The following FGF12 variants were observed in gnomAD, a reference collection of about 807,000 sequenced individuals.
FGF12 encodes the protein fibroblast growth factor 12B.
In FGF12, 14 loss-of-function variants were observed where a neutral mutation model predicts 23.6. The observed-to-expected ratio is 0.59, with a 90% CI of 0.39 to 0.93. The LOEUF is 0.93. Among genes scored for constraint, FGF12 ranks in the 40% least tolerant of loss-of-function variants. FGF12 has a pLI of 0.00. For missense variants in FGF12, 175 were observed against 217.8 expected, an observed-to-expected ratio of 0.80 and a Z score of 1.24; for synonymous variants, 62 against 77.3, an observed-to-expected ratio of 0.80 and a Z score of 1.04.
Position 192,446,254 on chromosome 3 carries a change from TA to T in FGF12, c.14-85717del, listed in dbSNP as rs532830358. Among the ~76,000 whole-genome samples, 21 of 152,354 alleles carry T rather than the reference TA, an allele frequency of 1.4e-4. No individual in the cohort carries two copies. The South Asian group carries it at 4.1e-3, about 30-fold the overall frequency. On this transcript the variant is annotated intron_variant, in intron 2 of 5. Coordinates refer to ENST00000445105, the MANE Select transcript of FGF12 (RefSeq NM_004113.6). ...AGCACAAATACAGGGAAATTCTTTC[TA>T]AACTATATGGCTGTATACCAAGTGA... is the stretch of plus-strand genomic sequence containing the variant.
chr3:192,237,734 C>T (rs1719377960), intron 4 of FGF12, among the ~76,000 whole-genome samples: 1 of 152,296 alleles, frequency 6.6e-6, no homozygotes, highest in East Asian at 1.9e-4. Flanking sequence ...AACTCTTGGA[C>T]TGTTTCACCG....
intron 3 of FGF12, among the ~76,000 whole-genome samples, chr3:192,346,322 C>A (rs1490128570): frequency 6.6e-6 from 1 of 152,140 alleles, no homozygotes; most frequent in Non-Finnish European, 1.5e-5. Flanking sequence ...TAATTTTTCC[C>A]TTACATGGTG....
At chr3:192,727,407 G>C in intron 1 of FGF12, 77 bp downstream of exon 1, 5 of 1,412,474 alleles carry the variant, frequency 3.5e-6, no homozygotes, top group South Asian at 1.4e-5. Context: ...GCCTCTACAG[G>C]GGATACGTTG....
rs2108776421 is a variant in FGF12 at position 192,408,493 on chromosome 3, G to A, written c.14-47955C>T. 1 of 1,295,994 alleles carries A rather than the reference G, an allele frequency of 7.7e-7. No homozygotes were observed. Among genetic ancestry groups the A allele is most frequent in the African/African-American group, 1.5e-5 (1 of 65,656 alleles). 80.3% of individuals were successfully genotyped at this position (1,295,994 alleles called of 1,614,324 possible). Reference sequence around the variant, plus strand: ...GGGCGGGGCGGTCCCAGGCCCTCTTGCGAAGTAGACGTTTGCACCCCAAAC... The same window carrying A: ...GGGCGGGGCGGTCCCAGGCCCTCTTACGAAGTAGACGTTTGCACCCCAAAC... On this transcript the variant is annotated intron_variant, in intron 2 of 5. Coordinates refer to ENST00000445105, the MANE Select transcript of FGF12 (RefSeq NM_004113.6). This position sits in a 1 kb window ranked among gnomAD's most constrained non-coding sequence, Gnocchi z 7.3.
intron 2 of FGF12, chr3:192,515,148 CTG>C (rs1724625430): frequency 6.6e-6 from 1 of 152,268 alleles, no homozygotes; most frequent in Non-Finnish European, 1.5e-5. Flanking sequence ...GTGCCGGACC[CTG>C]TGCCCTGGGA....
At chr3:192,330,180 C>G (rs1038635634) in intron 4 of FGF12, among the ~76,000 whole-genome samples, 4 of 152,096 alleles carry the variant, frequency 2.6e-5, no homozygotes, top group African/African-American at 9.7e-5. Flanking sequence ...AATACAATTC[C>G]TATCAAAATC....
intron 4 of FGF12, among the ~76,000 whole-genome samples, chr3:192,189,635 A>G (rs564894268): frequency 5.5e-4 from 84 of 152,214 alleles, no homozygotes; most frequent in African/African-American, 1.8e-3. Flanking sequence ...GCACAGAAAC[A>G]CCAGGCATGG....
At chr3:192,175,035 A>G (rs1715780454) in intron 4 of FGF12, among the ~76,000 whole-genome samples, 1 of 152,216 alleles carries the variant, frequency 6.6e-6, no homozygotes, top group South Asian at 2.1e-4. Flanking sequence ...CTTGTGCCAT[A>G]AGAGTAGTTA....
chr3:192,222,919 CAG>C (rs1718547871), intron 4 of FGF12, among the ~76,000 whole-genome samples: 1 of 152,106 alleles, frequency 6.6e-6, no homozygotes, highest in Admixed American at 6.6e-5. Context: ...AATTAAGACT[CAG>C]TGTCTCCATC....
In FGF12 at chr3:192,141,376, G is replaced by C. The variant is rs1451570432; in HGVS notation, c.*2633C>G. 1 of 151,918 alleles carries C rather than the reference G, an allele frequency of 6.6e-6. No individual in the cohort carries two copies. Among genetic ancestry groups the C allele is most frequent in the Non-Finnish European group, 1.5e-5 (1 of 67,858 alleles). 9.4% of individuals were successfully genotyped at this position (151,918 alleles called of 1,614,324 possible). The stretch of plus-strand genomic sequence containing the variant: ...ATTCTATTAAAGTTTTCATGTACTT[G>C]AGAAGTAAGCAGGAGTTAAGCAAAC... On this transcript the variant is annotated 3_prime_UTR_variant, in exon 6 of 6. Coordinates refer to ENST00000445105, the MANE Select transcript of FGF12 (RefSeq NM_004113.6).
At chr3:192,369,404 T>A (rs1719124381) in intron 2 of FGF12, among the ~76,000 whole-genome samples, 4 of 152,238 alleles carry the variant, frequency 2.6e-5, no homozygotes, top group Admixed American at 1.3e-4. Flanking sequence ...TCCAAAGCCC[T>A]GAGTTGCCTC....
chr3:192,531,103 C>T (rs1577038954), intron 2 of FGF12, among the ~76,000 whole-genome samples: 1 of 152,314 alleles, frequency 6.6e-6, no homozygotes, highest in Non-Finnish European at 1.5e-5. Flanking sequence ...TGAGACACCA[C>T]ACCCAGCCCT....
At chr3:192,397,936 C>A (rs1428221072) in intron 2 of FGF12, among the ~76,000 whole-genome samples, 2 of 128,292 alleles carry the variant, frequency 1.6e-5, no homozygotes, top group Non-Finnish European at 1.6e-5. Context: ...ATTTAAATCA[C>A]CAGTGCAATT....
chr3:192,650,932 T>C (rs1424353358), intron 2 of FGF12, among the ~76,000 whole-genome samples: 1 of 152,218 alleles, frequency 6.6e-6, no homozygotes, highest in Admixed American at 6.5e-5. Flanking sequence ...TTGACCAACA[T>C]TTAATTCTAA....
chr3:192,142,267 G>T lies in FGF12; in HGVS notation c.*1742C>A, dbSNP rs942224130. 6.6e-5 allele frequency: 10 copies of T among 152,588 alleles called. No homozygotes were observed. The highest frequency in any genetic ancestry group is 2.4e-4 in the African/African-American group (10 of 41,556). The allele number at this position is 152,588 out of a possible 1,614,324, so 9.5% of individuals were successfully genotyped here. Reference sequence around the variant, plus strand: ...GTGAAGGATATGGTCCACTATTGAAGAATAATGATTGTGTAAAGTGAGGGA... The same window carrying T: ...GTGAAGGATATGGTCCACTATTGAATAATAATGATTGTGTAAAGTGAGGGA... On this transcript the variant is annotated 3_prime_UTR_variant, in exon 6 of 6. Transcript: ENST00000445105.
Position 192,588,517 on chromosome 3 carries a change from A to G in FGF12, c.13+138664T>C, listed in dbSNP as rs1314837412. On this transcript the variant is annotated intron_variant, in intron 2 of 5. Coordinates refer to ENST00000445105, the MANE Select transcript of FGF12 (RefSeq NM_004113.6). The stretch of plus-strand genomic sequence containing the variant: ...TGGATAAAAAAATTAAATAAAATTA[A>G]AACAATAATAGTAACGATGTTAGGA... Among the ~76,000 whole-genome samples the G allele has an allele frequency of 3.3e-5, 5 of 151,964 alleles. No individual in the cohort carries two copies. The East Asian group carries it at 9.6e-4, about 29-fold the overall frequency.
intron 2 of FGF12, among the ~76,000 whole-genome samples, chr3:192,374,707 G>C (rs764026748): frequency 7.9e-5 from 12 of 151,918 alleles, no homozygotes; most frequent in Non-Finnish European, 1.2e-4. Flanking sequence ...TCATTTTATA[G>C]ATGTTAATAC....
At chr3:192,557,297 T>C (rs2108591178) in intron 2 of FGF12, among the ~76,000 whole-genome samples, 1 of 150,446 alleles carries the variant, frequency 6.6e-6, no homozygotes, top group Admixed American at 6.6e-5. Context: ...AACAAACCTT[T>C]AGCCAGAGTA....
chr3:192,548,279 G>A (rs191364454), intron 2 of FGF12, among the ~76,000 whole-genome samples: 18 of 152,122 alleles, frequency 1.2e-4, no homozygotes, highest in African/African-American at 3.6e-4. Flanking sequence ...CTTAATTCCC[G>A]AAGCATTGAT....
Sources: allele counts gnomAD v4.1 joint callset (sites outside exome capture counted in the v4.1 genomes callset), GRCh38; gene constraint gnomAD v4.1.1; non-coding constraint Gnocchi (gnomAD v3.1); transcripts MANE v1.5; gene names NCBI Gene and HGNC (gene_info 2026-07-23, HGNC 2026-07-21).